Variants in KCMF1 observed in about 807,000 individuals in gnomAD.
The protein encoded by KCMF1 is E3 ubiquitin-protein ligase KCMF1.
In KCMF1, 3 loss-of-function variants were observed where a neutral mutation model predicts 41.1. The observed-to-expected ratio is 0.07, with a 90% CI of 0.03 to 0.19. The LOEUF (loss-of-function observed/expected upper bound fraction) is 0.19. KCMF1 is among the 10% of genes least tolerant of loss of function. The pLI, the probability that KCMF1 is intolerant of heterozygous loss-of-function variation, is 1.00. For synonymous variants in KCMF1, 142 were observed against 164.5 expected, an observed-to-expected ratio of 0.86 and a Z score of 1.04; for missense variants, 286 against 488.9, an observed-to-expected ratio of 0.58 and a Z score of 3.91.
chr2:85,050,195 A>G (rs561918693), intron 6 of KCMF1, among the ~76,000 whole-genome samples: 1 of 152,292 alleles, frequency 6.6e-6, no homozygotes, highest in South Asian at 2.1e-4. Flanking sequence ...ATCATCATAT[A>G]ATATGAATTG....
chr2:85,021,364 G>C lies in KCMF1; in HGVS notation c.17-6525G>C, dbSNP rs561405356. 1.2e-3 allele frequency among the ~76,000 whole-genome samples: 188 copies of C among 152,196 alleles called. 1 individual carries two copies. Among genetic ancestry groups the C allele is most frequent in the African/African-American group, 4.2e-3 (174 of 41,546 alleles). ...TGCAGCCGGGCGCGGTGGCTCACGC[G>C]TGTAATCCCAGCACTTTGGGAGGCC... On this transcript the variant is annotated intron_variant, in intron 1 of 6. Transcript: ENST00000409785.
rs1454480194 is a variant in KCMF1 at position 85,057,936 on chromosome 2, C to G, written c.*4527C>G. 1 of 152,218 alleles carries G rather than the reference C, an allele frequency of 6.6e-6. No individual in the cohort carries two copies. The highest frequency in any genetic ancestry group is 2.4e-5 in the African/African-American group (1 of 41,442). The allele number at this position is 152,218 out of a possible 1,614,324, so 9.4% of individuals were successfully genotyped here. A position where few individuals can be genotyped will look rare whatever the true frequency, so the allele number is the denominator to read the frequency against. On this transcript the variant is annotated 3_prime_UTR_variant, in exon 7 of 7. Transcript: ENST00000409785. ...GTTCCTCAAATCACAAAGGAGAATGCTCTCAAGTCCTCATGTTAACTTTAG... is the reference window on the plus strand; with the variant it reads ...GTTCCTCAAATCACAAAGGAGAATGGTCTCAAGTCCTCATGTTAACTTTAG...
chr2:85,031,521 A>C (rs1675267759), intron 2 of KCMF1, among the ~76,000 whole-genome samples: 1 of 152,178 alleles, frequency 6.6e-6, no homozygotes, highest in African/African-American at 2.4e-5. Context: ...AAATTACATA[A>C]AATAGGCTTT....
chr2:85,022,514 T>C (rs1313128151), intron 1 of KCMF1, among the ~76,000 whole-genome samples: 1 of 152,184 alleles, frequency 6.6e-6, no homozygotes, highest in Admixed American at 6.5e-5. Flanking sequence ...TTTCCAGTTT[T>C]CCACCTGACA....
At position 85,049,715 on chromosome 2, in the gene KCMF1, A is replaced by G. The variant is rs957185439; in HGVS notation, c.884+67A>G. On this transcript the variant is annotated intron_variant, in intron 6 of 6. Transcript: ENST00000409785. ...TTTATTGCCACTACAGTCTGGAATTATCTTTTCTCTTTTGTGCATTATATT... is the reference window on the plus strand; with the variant it reads ...TTTATTGCCACTACAGTCTGGAATTGTCTTTTCTCTTTTGTGCATTATATT... 9 of 1,290,576 alleles carry G rather than the reference A, an allele frequency of 7.0e-6. No individual in the cohort carries two copies. The African/African-American group carries it at 1.0e-4, about 15-fold the overall frequency. 79.9% of individuals were successfully genotyped at this position (1,290,576 alleles called of 1,614,324 possible).
chr2:84,982,384 A>ATTTTTTTTTT (rs1673783250), intron 1 of KCMF1, among the ~76,000 whole-genome samples: 1 of 35,878 alleles, frequency 2.8e-5, no homozygotes, highest in African/African-American at 1.1e-4. Flanking sequence ...TGTGTTCCTT[A>ATTTTTTTTTT]TTTTCTTTTT....
chr2:85,008,321 C>CTATGAT (rs1281455221), intron 1 of KCMF1, among the ~76,000 whole-genome samples: 2 of 43,950 alleles, frequency 4.6e-5, no homozygotes, highest in African/African-American at 2.0e-4. Context: ...ATATATATAT[C>CTATGAT]ATATATAATA....
At chr2:84,974,766 C>T (rs868121101) in intron 1 of KCMF1, among the ~76,000 whole-genome samples, 97 of 117,100 alleles carry the variant, frequency 8.3e-4, no homozygotes, top group African/African-American at 3.0e-3. Flanking sequence ...GGTGCAGTGG[C>T]GTGATCTTGG....
chr2:85,017,552 C>T (rs968585628), intron 1 of KCMF1, among the ~76,000 whole-genome samples: 3 of 149,774 alleles, frequency 2.0e-5, no homozygotes, highest in Non-Finnish European at 4.4e-5. Context: ...AGAAAAGAGG[C>T]CCTCCCTCCC....
At chr2:85,038,716 TCTG>T (rs902424460) in intron 3 of KCMF1, among the ~76,000 whole-genome samples, 1 of 152,184 alleles carries the variant, frequency 6.6e-6, no homozygotes, top group African/African-American at 2.4e-5. Context: ...TCATCACTCT[TCTG>T]TGGAAAAACT....
chr2:85,009,421 T>C (rs1558574159), intron 1 of KCMF1, among the ~76,000 whole-genome samples: 1 of 152,198 alleles, frequency 6.6e-6, no homozygotes, highest in Non-Finnish European at 1.5e-5. Flanking sequence ...AATGGACTAA[T>C]ACAGGAAATT....
intron 1 of KCMF1, among the ~76,000 whole-genome samples, chr2:84,998,935 T>G (rs1284006990): frequency 1.1e-5 from 1 of 89,568 alleles, no homozygotes; most frequent in Non-Finnish European, 2.4e-5. Flanking sequence ...TCTATCTATC[T>G]ATCTATCTAT....
chr2:85,024,427 C>T (rs1227076797), intron 1 of KCMF1, among the ~76,000 whole-genome samples: 1 of 152,094 alleles, frequency 6.6e-6, no homozygotes, highest in Admixed American at 6.6e-5. Flanking sequence ...GAGCCAAGAT[C>T]TCACCATTGC....
intron 1 of KCMF1, among the ~76,000 whole-genome samples, chr2:84,993,023 T>C (rs547627745): frequency 8.6e-5 from 13 of 151,918 alleles, no homozygotes; most frequent in African/African-American, 2.7e-4. Flanking sequence ...CGAAACCCCT[T>C]CTCTGCAAAA....
At chr2:84,991,501 G>A (rs1674042542) in intron 1 of KCMF1, among the ~76,000 whole-genome samples, 1 of 152,124 alleles carries the variant, frequency 6.6e-6, no homozygotes, top group Non-Finnish European at 1.5e-5. Flanking sequence ...TTTCTATCAG[G>A]TAGACATCAT....
At chr2:84,971,518 C>G (rs1049120718) in intron 1 of KCMF1, 51 bp downstream of exon 1, 1 of 1,088,212 alleles carries the variant, frequency 9.2e-7, no homozygotes, top group Non-Finnish European at 1.2e-6. Context: ...CGGCCTACCC[C>G]GCCCGGGCCG....
rs372877175 is a variant in KCMF1 at position 84,988,173 on chromosome 2, G to A, written c.16+16706G>A. 9.9e-5 allele frequency among the ~76,000 whole-genome samples: 15 copies of A among 152,024 alleles called. No individual in the cohort carries two copies. The East Asian group carries it at 2.1e-3, about 22-fold the overall frequency. Reference sequence around the variant, plus strand: ...CTTGAACCCAGGAGGCAGAGGTTGCGGTGAGCCAAGATCGCGCCATTGCAC... The same window carrying A: ...CTTGAACCCAGGAGGCAGAGGTTGCAGTGAGCCAAGATCGCGCCATTGCAC... On this transcript the variant is annotated intron_variant, in intron 1 of 6. Coordinates refer to ENST00000409785, the MANE Select transcript of KCMF1 (RefSeq NM_020122.5).
At chr2:84,984,038 T>C (rs1401734840) in intron 1 of KCMF1, among the ~76,000 whole-genome samples, 1 of 152,148 alleles carries the variant, frequency 6.6e-6, no homozygotes, top group African/African-American at 2.4e-5. Context: ...ATATTCACAT[T>C]TATGCGTTGA....
At chr2:84,973,357 C>T (rs1189836909) in intron 1 of KCMF1, among the ~76,000 whole-genome samples, 1 of 152,094 alleles carries the variant, frequency 6.6e-6, no homozygotes, top group African/African-American at 2.4e-5. Context: ...TAATTTAAGC[C>T]CATTTCCCCC....
Sources: gnomAD v4.1 joint callset for allele counts (sites outside exome capture counted in the v4.1 genomes callset) on GRCh38, gnomAD v4.1.1 for gene constraint, MANE v1.5 for transcripts, NCBI Gene and HGNC (gene_info 2026-07-23, HGNC 2026-07-21) for gene names.